The following MARCHF1 variants were observed in gnomAD, a reference collection of about 807,000 sequenced individuals.
The protein encoded by MARCHF1 is membrane associated ring-CH-type finger 1, also known as E3 ubiquitin-protein ligase MARCHF1.
In MARCHF1, 40 loss-of-function variants were observed where a neutral mutation model predicts 54.2. The observed-to-expected ratio is 0.74, with a 90% CI of 0.57 to 0.96. The LOEUF (loss-of-function observed/expected upper bound fraction) is 0.96. Ranked by LOEUF, MARCHF1 falls within the 40% of genes least tolerant of loss-of-function variation. The pLI is 0.00. For missense variants in MARCHF1, 586 were observed against 656.5 expected (o/e 0.89, Z 1.17); for synonymous variants, 236 against 236.3 (o/e 1.00, Z 0.01).
At chr4:163,798,301 A>G (rs1371230468) in intron 4 of MARCHF1, among the ~76,000 whole-genome samples, 1 of 152,114 alleles carries the variant, frequency 6.6e-6, no homozygotes, top group Non-Finnish European at 1.5e-5. Flanking sequence ...AGGAAGGGAA[A>G]CTTTATCAGA....
intron 2 of MARCHF1, among the ~76,000 whole-genome samples, chr4:164,049,529 T>A (rs1754314409): frequency 6.6e-6 from 1 of 152,156 alleles, no homozygotes; most frequent in Non-Finnish European, 1.5e-5. Flanking sequence ...AGTACTAAAC[T>A]GTTCATGGCT....
At chr4:163,797,036 ATATCT>A (rs988818526) in intron 4 of MARCHF1, among the ~76,000 whole-genome samples, 1 of 152,108 alleles carries the variant, frequency 6.6e-6, no homozygotes, top group African/African-American at 2.4e-5. Flanking sequence ...AACCAGAGAC[ATATCT>A]TATAATTTGT....
intron 1 of MARCHF1, among the ~76,000 whole-genome samples, chr4:164,159,690 T>G (rs141334407): frequency 6.6e-6 from 1 of 152,098 alleles, no homozygotes; most frequent in Non-Finnish European, 1.5e-5. Context: ...TTAATATCAG[T>G]GTAAAGGAGC....
Position 163,684,127 on chromosome 4 carries a change from G to A in MARCHF1, c.162+16686C>T, listed in dbSNP as rs139570529. 4.6e-3 allele frequency among the ~76,000 whole-genome samples: 706 copies of A among 152,262 alleles called. 16 individuals are homozygous for A. The highest frequency in any genetic ancestry group is 0.038 in the Admixed American group (577 of 15,286). ...ATGACCTTGCCTTGGGAGCCACCAC[G>A]TAGTACCTCTTAAGCCACCTTCAGT... On this transcript the variant is annotated intron_variant, in intron 5 of 9. Coordinates refer to ENST00000514618, the MANE Select transcript of MARCHF1 (RefSeq NM_001394959.1).
At chr4:164,066,930 T>A (rs1200433287) in intron 2 of MARCHF1, among the ~76,000 whole-genome samples, 1 of 152,054 alleles carries the variant, frequency 6.6e-6, no homozygotes, top group East Asian at 1.9e-4. Flanking sequence ...CTAAGCTTAA[T>A]ATCAGGGTGA....
chr4:163,796,132 A>C (rs1747907318), intron 4 of MARCHF1, among the ~76,000 whole-genome samples: 1 of 152,032 alleles, frequency 6.6e-6, no homozygotes, highest in African/African-American at 2.4e-5. Flanking sequence ...CAGTGAACCC[A>C]GGAAGTTCCA....
At chr4:164,327,330 G>T (rs942680312) in intron 1 of MARCHF1, among the ~76,000 whole-genome samples, 2 of 152,102 alleles carry the variant, frequency 1.3e-5, no homozygotes, top group Non-Finnish European at 2.9e-5. Flanking sequence ...CTGTTGAGAC[G>T]AGTCTTAAAG....
At position 163,732,500 on chromosome 4, in the gene MARCHF1, A is replaced by G. The variant is rs750126560; in HGVS notation, c.112-31637T>C. Among the ~76,000 whole-genome samples the G allele has an allele frequency of 1.3e-4, 20 of 152,302 alleles. 1 individual carries two copies. Among genetic ancestry groups the G allele is most frequent in the South Asian group, 1.0e-3 (5 of 4,830 alleles). On this transcript the variant is annotated intron_variant, in intron 4 of 9. Transcript: ENST00000514618. ...CAAATTTGATGATAATTATAAATACATTGATACAAGACAGTCAATTAACTC... is the reference window on the plus strand; with the variant it reads ...CAAATTTGATGATAATTATAAATACGTTGATACAAGACAGTCAATTAACTC...
intron 5 of MARCHF1, among the ~76,000 whole-genome samples, chr4:163,655,962 C>T (rs1057505984): frequency 1.3e-5 from 2 of 151,806 alleles, no homozygotes; most frequent in Non-Finnish European, 2.9e-5. Context: ...CTGGGAAGAT[C>T]TCAAGTCAAC....
chr4:163,822,644 G>C (rs1748727182), intron 4 of MARCHF1, among the ~76,000 whole-genome samples: 1 of 151,792 alleles, frequency 6.6e-6, no homozygotes. Flanking sequence ...ATATTTTAGG[G>C]TAATGTAATA....
At chr4:164,001,197 T>C (rs189099076) in intron 2 of MARCHF1, among the ~76,000 whole-genome samples, 18 of 151,898 alleles carry the variant, frequency 1.2e-4, no homozygotes, top group Admixed American at 9.9e-4. Context: ...GCTGTTAGTG[T>C]CTGTAGGGGA....
rs1276983547 is a variant in MARCHF1, at chr4:164,356,171, C to A, written c.-323+27699G>T. On this transcript the variant is annotated intron_variant, in intron 1 of 9. Coordinates refer to ENST00000514618, the MANE Select transcript of MARCHF1 (RefSeq NM_001394959.1). Reference sequence around the variant, plus strand: ...GAACACTTTTGCACTGTTGGTGGGACTGTAAACTAGTTCAACCATTGTGGA... The same window carrying A: ...GAACACTTTTGCACTGTTGGTGGGAATGTAAACTAGTTCAACCATTGTGGA... 6.1e-4 allele frequency among the ~76,000 whole-genome samples: 67 copies of A among 109,138 alleles called. 6 individuals carry two copies. The highest frequency in any genetic ancestry group is 1.9e-3 in the African/African-American group (64 of 33,344). 71.6% of individuals were successfully genotyped at this position (109,138 alleles called of 152,430 possible).
chr4:164,358,990 A>T (rs1387237667), intron 1 of MARCHF1, among the ~76,000 whole-genome samples: 3 of 152,156 alleles, frequency 2.0e-5, no homozygotes, highest in Non-Finnish European at 4.4e-5. Flanking sequence ...ACATTATATC[A>T]ATCCATTTAA....
intron 1 of MARCHF1, among the ~76,000 whole-genome samples, chr4:164,294,737 T>C (rs547905803): frequency 6.6e-6 from 1 of 152,304 alleles, no homozygotes; most frequent in South Asian, 2.1e-4. Context: ...AAACTGTGAA[T>C]ATAAATAAAA....
intron 2 of MARCHF1, among the ~76,000 whole-genome samples, chr4:164,060,590 T>C (rs1309415440): frequency 6.6e-6 from 1 of 152,086 alleles, no homozygotes; most frequent in Non-Finnish European, 1.5e-5. Context: ...AAAATAAGGA[T>C]ATTTCCAGGA....
intron 1 of MARCHF1, among the ~76,000 whole-genome samples, chr4:164,200,293 T>C (rs1731418340): frequency 1.3e-5 from 2 of 152,226 alleles, no homozygotes; most frequent in South Asian, 4.1e-4. Flanking sequence ...AATAGTCATT[T>C]TGAGCTGTTT....
chr4:164,177,900 T>C lies in MARCHF1; in HGVS notation c.-322-66238A>G, dbSNP rs1250464443. 3.9e-5 allele frequency among the ~76,000 whole-genome samples: 6 copies of C among 152,062 alleles called. No individual in the cohort carries two copies. The East Asian group carries it at 1.2e-3, about 30-fold the overall frequency. ...AAAGTGTACTTCTGCATGTGTCAGATCACAAGAAGCACTGCATCTGCTTTG... is the reference window on the plus strand; with the variant it reads ...AAAGTGTACTTCTGCATGTGTCAGACCACAAGAAGCACTGCATCTGCTTTG... On this transcript the variant is annotated intron_variant, in intron 1 of 9. Coordinates refer to ENST00000514618, the MANE Select transcript of MARCHF1 (RefSeq NM_001394959.1).
intron 3 of MARCHF1, among the ~76,000 whole-genome samples, chr4:163,919,673 A>C (rs1340235362): frequency 3.3e-5 from 5 of 152,094 alleles, no homozygotes; most frequent in Admixed American, 3.3e-4. Context: ...TGAATTGTAC[A>C]TAATAGGAGT....
intron 5 of MARCHF1, among the ~76,000 whole-genome samples, chr4:163,636,307 C>T (rs1416857971): frequency 1.4e-5 from 2 of 147,768 alleles, no homozygotes; most frequent in African/African-American, 4.9e-5. Context: ...GTCAAATTGT[C>T]CCTGTTTGCA....
Sources: allele counts gnomAD v4.1 joint callset (sites outside exome capture counted in the v4.1 genomes callset), GRCh38; gene constraint gnomAD v4.1.1; transcripts MANE v1.5; gene names NCBI Gene and HGNC (gene_info 2026-07-23, HGNC 2026-07-21).